The following GPC6 variants were observed in gnomAD, a reference collection of about 807,000 sequenced individuals.
The protein encoded by GPC6 is glypican-6.
In GPC6, 14 loss-of-function variants were observed where a neutral mutation model predicts 55.2. The ratio of observed to expected loss-of-function variants is 0.25; its 90% confidence interval spans 0.17 to 0.40. GPC6 has a LOEUF of 0.40. Ranked by LOEUF, GPC6 falls within the 10% of genes least tolerant of loss-of-function variation. The pLI, the probability that GPC6 is intolerant of heterozygous loss-of-function variation, is 1.00. For missense variants in GPC6, 641 were observed against 708.5 expected, an observed-to-expected ratio of 0.90 and a Z score of 1.08; for synonymous variants, 278 against 259.6, an observed-to-expected ratio of 1.07 and a Z score of -0.68.
intron 3 of GPC6, among the ~76,000 whole-genome samples, chr13:93,948,136 C>T (rs563155786): frequency 4.9e-4 from 75 of 152,122 alleles, no homozygotes; most frequent in Non-Finnish European, 8.8e-4. Context: ...CCAGAATTAA[C>T]TTTGTCTTGG....
intron 4 of GPC6, among the ~76,000 whole-genome samples, chr13:94,270,964 ATTTTTTTTTTTTTTTTTTTTTTTT>A (rs764819082): frequency 1.0e-4 from 5 of 49,580 alleles, no homozygotes; most frequent in Admixed American, 3.3e-4. Flanking sequence ...GAGAAGTATA[ATTTTTTTTTTTTTTTTTTTTTTTT>A]TTTTTTTTTT....
intron 2 of GPC6, among the ~76,000 whole-genome samples, chr13:93,723,269 T>C (rs1472365778): frequency 6.6e-6 from 1 of 151,962 alleles, no homozygotes; most frequent in Non-Finnish European, 1.5e-5. Context: ...GCCTTTGTTC[T>C]GGAGCATCCA....
chr13:93,627,669 T>G (rs1879258951), intron 2 of GPC6, among the ~76,000 whole-genome samples: 1 of 149,836 alleles, frequency 6.7e-6, no homozygotes, highest in Non-Finnish European at 1.5e-5. Flanking sequence ...TATGTGGAAA[T>G]TAAGCTGCTG....
chr13:93,425,723 G>T (rs1414893179), intron 1 of GPC6, among the ~76,000 whole-genome samples: 1 of 152,132 alleles, frequency 6.6e-6, no homozygotes, highest in Non-Finnish European at 1.5e-5. Flanking sequence ...ATTAAAAACT[G>T]CAAACCTCTC....
At chr13:93,438,926 A>G (rs973718201) in intron 1 of GPC6, among the ~76,000 whole-genome samples, 1 of 152,102 alleles carries the variant, frequency 6.6e-6, no homozygotes, top group African/African-American at 2.4e-5. Flanking sequence ...CAGCCACCTC[A>G]ATGTCCAGCA....
chr13:93,638,199 G>A (rs1421655975), intron 2 of GPC6, among the ~76,000 whole-genome samples: 5 of 152,018 alleles, frequency 3.3e-5, no homozygotes, highest in South Asian at 2.1e-4. Flanking sequence ...TTGTCATCAA[G>A]TAGATCAACA....
At chr13:93,540,784 C>T (rs1387252664) in intron 1 of GPC6, among the ~76,000 whole-genome samples, 1 of 151,906 alleles carries the variant, frequency 6.6e-6, no homozygotes, top group Admixed American at 6.6e-5. Context: ...GAACTTATTC[C>T]TCCTATTAGC....
intron 3 of GPC6, among the ~76,000 whole-genome samples, chr13:93,971,559 A>G (rs1415565610): frequency 2.0e-5 from 3 of 152,234 alleles, no homozygotes; most frequent in Non-Finnish European, 1.5e-5. Flanking sequence ...AACAAAAGGA[A>G]GCTCTCCCAC....
intron 1 of GPC6, among the ~76,000 whole-genome samples, chr13:93,402,434 G>A (rs1876127600): frequency 2.0e-5 from 3 of 152,092 alleles, no homozygotes; most frequent in African/African-American, 7.2e-5. Flanking sequence ...ATCTGTAAAA[G>A]CAGGCCCCTG....
chr13:93,459,396 G>A (rs1878596122), intron 1 of GPC6, among the ~76,000 whole-genome samples: 1 of 152,128 alleles, frequency 6.6e-6, no homozygotes, highest in Non-Finnish European at 1.5e-5. Flanking sequence ...AAAGATCTGA[G>A]TTTTATTTGC....
At chr13:94,204,285 T>G (rs1046656781) in intron 4 of GPC6, among the ~76,000 whole-genome samples, 9 of 152,106 alleles carry the variant, frequency 5.9e-5, no homozygotes, top group African/African-American at 1.7e-4. Context: ...TGGATAAAAA[T>G]GTACCTAATC....
intron 3 of GPC6, among the ~76,000 whole-genome samples, chr13:93,880,031 G>A (rs1454595624): frequency 2.0e-5 from 3 of 151,548 alleles, no homozygotes; most frequent in East Asian, 3.9e-4. Context: ...TCTCACAGCA[G>A]TTAGAATGGC....
At chr13:94,021,476 G>T (rs9589880) in intron 3 of GPC6, among the ~76,000 whole-genome samples, 1 of 151,832 alleles carries the variant, frequency 6.6e-6, no homozygotes, top group South Asian at 2.1e-4. Flanking sequence ...CTCAAGTCCC[G>T]TTTAGAAAAC....
chr13:93,577,146 T>G (rs2139483117), intron 2 of GPC6, among the ~76,000 whole-genome samples: 1 of 152,234 alleles, frequency 6.6e-6, no homozygotes, highest in Admixed American at 6.5e-5. Context: ...AACTTAACTT[T>G]ACACAAAAGT....
At chr13:94,134,899 A>G (rs560314048) in intron 4 of GPC6, among the ~76,000 whole-genome samples, 17 of 152,336 alleles carry the variant, frequency 1.1e-4, no homozygotes, top group African/African-American at 4.1e-4. Flanking sequence ...TCTAAATCAC[A>G]TAAGATCTAT....
chr13:94,066,024 A>C, intron 4 of GPC6, among the ~76,000 whole-genome samples: 1 of 152,086 alleles, frequency 6.6e-6, no homozygotes, highest in Admixed American at 6.6e-5. Flanking sequence ...TTATTTCTTA[A>C]CCTTTTTATT....
At chr13:94,090,164 C>T (rs1885429220) in intron 4 of GPC6, among the ~76,000 whole-genome samples, 1 of 152,074 alleles carries the variant, frequency 6.6e-6, no homozygotes, top group Admixed American at 6.6e-5. Flanking sequence ...GGAGCAAAGG[C>T]ATGTCTTACA....
intron 2 of GPC6, among the ~76,000 whole-genome samples, chr13:93,564,396 A>G (rs1281619756): frequency 6.6e-6 from 1 of 152,166 alleles, no homozygotes; most frequent in African/African-American, 2.4e-5. Flanking sequence ...CTTTGGGAGC[A>G]GCAATAAGAG....
At chr13:94,011,965 A>G (rs1022103196) in intron 3 of GPC6, among the ~76,000 whole-genome samples, 1 of 152,222 alleles carries the variant, frequency 6.6e-6, no homozygotes, top group Non-Finnish European at 1.5e-5. Context: ...TATTCCATTA[A>G]TATTGGAAAA....
Sources: gnomAD v4.1 joint callset for allele counts (sites outside exome capture counted in the v4.1 genomes callset) on GRCh38, gnomAD v4.1.1 for gene constraint, MANE v1.5 for transcripts, NCBI Gene and HGNC (gene_info 2026-07-23, HGNC 2026-07-21) for gene names.